The following RAB28 variants were observed in gnomAD, a reference collection of about 807,000 sequenced individuals.
RAB28 encodes the protein ras-related protein Rab-28.
A neutral mutation model predicts 31.7 loss-of-function variants in RAB28; 24 were observed. The ratio of observed to expected loss-of-function variants is 0.76; its 90% CI spans 0.55 to 1.06. The LOEUF is 1.06. Ranked by LOEUF, RAB28 falls within the 50% of genes least tolerant of loss-of-function variation. The probability of loss-of-function intolerance (pLI) is 0.00; values close to 1 mark genes in which losing one functional copy is unlikely to be tolerated. For synonymous variants in RAB28, 100 were observed against 90.4 expected (o/e 1.11, Z -0.60); for missense variants, 254 against 258.5 (o/e 0.98, Z 0.12).
intron 6 of RAB28, among the ~76,000 whole-genome samples, chr4:13,375,899 G>A (rs752379136): frequency 6.6e-6 from 1 of 152,072 alleles, no homozygotes; most frequent in Non-Finnish European, 1.5e-5. Flanking sequence ...TAGTTGCACA[G>A]GGTGCGAATG....
chr4:13,371,488 T>G, intron 6 of RAB28: 1 of 985,322 alleles, frequency 1.0e-6, no homozygotes, highest in South Asian at 4.7e-5. Flanking sequence ...GCTCAAAACA[T>G]TTTGGTCCAA....
At chr4:13,418,971 T>C (rs1309228196) in intron 4 of RAB28, among the ~76,000 whole-genome samples, 1 of 151,340 alleles carries the variant, frequency 6.6e-6, no homozygotes, top group Non-Finnish European at 1.5e-5. Context: ...TTGGATAGAG[T>C]CAAGACCCAT....
At chr4:13,418,109 C>A (rs561821482) in intron 4 of RAB28, among the ~76,000 whole-genome samples, 18 of 152,230 alleles carry the variant, frequency 1.2e-4, no homozygotes, top group African/African-American at 4.3e-4. Context: ...GAGGCATGAA[C>A]AAACTTCAAC....
chr4:13,454,018 CTTCA>C (rs1381776223), intron 4 of RAB28, among the ~76,000 whole-genome samples: 2 of 151,896 alleles, frequency 1.3e-5, no homozygotes, highest in African/African-American at 4.8e-5. Context: ...TATACATTTT[CTTCA>C]TTTTTTTTCT....
intron 4 of RAB28, among the ~76,000 whole-genome samples, chr4:13,383,169 A>G (rs1006947321): frequency 5.3e-5 from 8 of 152,190 alleles, no homozygotes; most frequent in African/African-American, 1.9e-4. Context: ...TTATATATCC[A>G]ATTTATCATA....
chr4:13,380,358 T>C (rs1577154100), intron 5 of RAB28, among the ~76,000 whole-genome samples: 1 of 151,990 alleles, frequency 6.6e-6, no homozygotes, highest in Non-Finnish European at 1.5e-5. Context: ...AAATGTCAAC[T>C]GGAAAAATAG....
chr4:13,397,829 T>C (rs1481416626), intron 4 of RAB28, among the ~76,000 whole-genome samples: 1 of 152,196 alleles, frequency 6.6e-6, no homozygotes, highest in East Asian at 1.9e-4. Context: ...TCTACAGATT[T>C]TGCATATTGC....
At chr4:13,399,234 C>T (rs1268566227) in intron 4 of RAB28, among the ~76,000 whole-genome samples, 2 of 152,134 alleles carry the variant, frequency 1.3e-5, no homozygotes, top group East Asian at 1.9e-4. Flanking sequence ...TGGCATTTTT[C>T]GTGCGTATTG....
At chr4:13,370,343 T>C (rs1488600279) in intron 6 of RAB28, 5 of 948,618 alleles carry the variant, frequency 5.3e-6, no homozygotes, top group African/African-American at 1.8e-5. Context: ...TTTTCTATGT[T>C]AAAGTGCAAT....
chr4:13,456,145 A>G (rs1189965278), intron 4 of RAB28, among the ~76,000 whole-genome samples: 2 of 152,184 alleles, frequency 1.3e-5, no homozygotes, highest in Admixed American at 6.5e-5. Flanking sequence ...AATACACATA[A>G]CAGATTCTCA....
At chr4:13,418,003 A>G (rs28793572) in intron 4 of RAB28, among the ~76,000 whole-genome samples, 2,557 of 152,294 alleles carry the variant, frequency 0.017, 69 homozygotes, top group African/African-American at 0.058. Context: ...AACACCTTGA[A>G]AAAAGATTAT....
intron 4 of RAB28, among the ~76,000 whole-genome samples, chr4:13,427,435 T>C (rs1713566335): frequency 6.6e-6 from 1 of 152,190 alleles, no homozygotes; most frequent in East Asian, 1.9e-4. Context: ...TTATAGTCAC[T>C]CCTTCTGCCT....
At chr4:13,455,914 A>G (rs940655862) in intron 4 of RAB28, among the ~76,000 whole-genome samples, 5 of 152,254 alleles carry the variant, frequency 3.3e-5, no homozygotes, top group Non-Finnish European at 5.9e-5. Flanking sequence ...TCCGATCACC[A>G]AGTGCCAGAT....
intron 2 of RAB28, among the ~76,000 whole-genome samples, chr4:13,476,050 C>T (rs1300072508): frequency 6.6e-6 from 1 of 151,492 alleles, no homozygotes; most frequent in Non-Finnish European, 1.5e-5. Context: ...TTAGGCAATA[C>T]TTAGTAAGTG....
chr4:13,447,233 C>A (rs73819868), intron 4 of RAB28, among the ~76,000 whole-genome samples: 8,174 of 152,232 alleles, frequency 0.054, 534 homozygotes, highest in African/African-American at 0.16. Context: ...CCATAGTGAT[C>A]CTTTCCAAAT....
intron 4 of RAB28, among the ~76,000 whole-genome samples, chr4:13,457,168 A>G (rs1715342625): frequency 6.6e-6 from 1 of 152,190 alleles, no homozygotes; most frequent in African/African-American, 2.4e-5. Context: ...ATGTTTATGT[A>G]ATGAGTATAA....
At chr4:13,378,121 T>A (rs1162109402) in intron 5 of RAB28, among the ~76,000 whole-genome samples, 2 of 152,048 alleles carry the variant, frequency 1.3e-5, no homozygotes, top group African/African-American at 4.8e-5. Flanking sequence ...AATAAAGCCA[T>A]TAGGAATAAG....
chr4:13,422,641 A>G (rs28634946), intron 4 of RAB28, among the ~76,000 whole-genome samples: 2,539 of 152,226 alleles, frequency 0.017, 69 homozygotes, highest in African/African-American at 0.057. Context: ...TCAGCAAACT[A>G]TCTTAAGGAC....
intron 4 of RAB28, among the ~76,000 whole-genome samples, chr4:13,440,955 T>A (rs75636630): frequency 0.015 from 2,301 of 151,938 alleles, 65 homozygotes; most frequent in African/African-American, 0.052. Context: ...GAATGTGGAA[T>A]AAGGATTAAG....
Sources: allele counts gnomAD v4.1 joint callset (sites outside exome capture counted in the v4.1 genomes callset), GRCh38; gene constraint gnomAD v4.1.1; transcripts MANE v1.5; gene names NCBI Gene and HGNC (gene_info 2026-07-23, HGNC 2026-07-21).